Variants in GPC5 observed in about 807,000 individuals in gnomAD.
GPC5 encodes the protein glypican 5, also known as glypican-5.
A neutral mutation model predicts 53.9 loss-of-function variants in GPC5; 47 were observed. The observed-to-expected ratio is 0.87, with a 90% confidence interval of 0.69 to 1.11. GPC5 has a LOEUF of 1.11. Among genes scored for constraint, GPC5 ranks in the 50% most tolerant of loss-of-function variants. The pLI is 0.00. For missense variants in GPC5, 748 were observed against 713.1 expected (o/e 1.05, Z -0.56); for synonymous variants, 286 against 263.3 (o/e 1.09, Z -0.84).
intron 7 of GPC5, among the ~76,000 whole-genome samples, chr13:92,474,431 C>G (rs868433461): frequency 1.3e-5 from 2 of 151,856 alleles, no homozygotes; most frequent in African/African-American, 4.8e-5. Context: ...AGATACTGAT[C>G]GGGAGGAGTC....
At chr13:92,754,479 A>G (rs1382159478) in intron 7 of GPC5, among the ~76,000 whole-genome samples, 1 of 152,006 alleles carries the variant, frequency 6.6e-6, no homozygotes, top group Non-Finnish European at 1.5e-5. Context: ...ACACATAACA[A>G]TATTAACTTT....
At chr13:92,752,640 C>T (rs893801965) in intron 7 of GPC5, among the ~76,000 whole-genome samples, 6 of 152,074 alleles carry the variant, frequency 3.9e-5, no homozygotes, top group Admixed American at 6.5e-5. Context: ...GCGCACCGTG[C>T]GCGAGCTGAA....
At chr13:91,835,822 G>A (rs2038718007) in intron 5 of GPC5, among the ~76,000 whole-genome samples, 1 of 151,972 alleles carries the variant, frequency 6.6e-6, no homozygotes. Context: ...GTCATGGCAC[G>A]TGTATACCTA....
At chr13:92,769,605 A>G (rs1875535934) in intron 7 of GPC5, among the ~76,000 whole-genome samples, 2 of 152,164 alleles carry the variant, frequency 1.3e-5, no homozygotes, top group Admixed American at 6.5e-5. Context: ...AAAGAAAATT[A>G]AAGCAGTGTG....
chr13:92,265,778 T>C (rs1265862886), intron 7 of GPC5, among the ~76,000 whole-genome samples: 2 of 152,166 alleles, frequency 1.3e-5, no homozygotes, highest in African/African-American at 4.8e-5. Context: ...CAATTTGTCT[T>C]AGTCCATTTT....
Position 92,251,691 on chromosome 13 carries a change from G to A in GPC5, c.1561+106702G>A, listed in dbSNP as rs139088536. Among the ~76,000 whole-genome samples the A allele has an allele frequency of 4.4e-4, 67 of 152,242 alleles. No homozygotes were observed. The East Asian group carries it at 8.9e-3, about 20-fold the overall frequency. ...CACATACAAGACCCTGAATGACAAT[G>A]TCTTTTTCCTTTTAAACTGTGTGTT... is the stretch of plus-strand genomic sequence containing the variant. On this transcript the variant is annotated intron_variant, in intron 7 of 7. Transcript: ENST00000377067.
chr13:92,054,944 A>G (rs1330216947), intron 6 of GPC5, among the ~76,000 whole-genome samples: 2 of 152,198 alleles, frequency 1.3e-5, no homozygotes, highest in Non-Finnish European at 2.9e-5. Context: ...ATATGTACAT[A>G]AAGTTAATTT....
chr13:92,482,542 A>G, intron 7 of GPC5, among the ~76,000 whole-genome samples: 1 of 152,146 alleles, frequency 6.6e-6, no homozygotes, highest in East Asian at 1.9e-4. Context: ...CTTTAACACC[A>G]TTCTTCTTTC....
At chr13:92,528,479 A>G (rs1011646020) in intron 7 of GPC5, among the ~76,000 whole-genome samples, 3 of 151,976 alleles carry the variant, frequency 2.0e-5, no homozygotes, top group Admixed American at 6.6e-5. Flanking sequence ...TTATTATGGG[A>G]TACAATTTAT....
At chr13:92,352,963 A>G (rs1460257261) in intron 7 of GPC5, among the ~76,000 whole-genome samples, 1 of 152,172 alleles carries the variant, frequency 6.6e-6, no homozygotes, top group Non-Finnish European at 1.5e-5. Context: ...TCTAGAAACA[A>G]TTGAAATGTG....
At chr13:92,077,703 T>C (rs2041263333) in intron 6 of GPC5, among the ~76,000 whole-genome samples, 1 of 152,148 alleles carries the variant, frequency 6.6e-6, no homozygotes, top group Admixed American at 6.5e-5. Flanking sequence ...ATGATCTGGC[T>C]GAGTGCAGAA....
At chr13:92,650,300 T>C (rs1018858346) in intron 7 of GPC5, among the ~76,000 whole-genome samples, 3 of 152,146 alleles carry the variant, frequency 2.0e-5, no homozygotes, top group African/African-American at 4.8e-5. Context: ...ATTTTCCATT[T>C]GATATCTTAC....
intron 5 of GPC5, among the ~76,000 whole-genome samples, chr13:91,785,459 G>A (rs578189657): frequency 1.3e-5 from 2 of 152,182 alleles, no homozygotes; most frequent in East Asian, 1.9e-4. Flanking sequence ...GCAATCTTGG[G>A]GATATCATTC....
At position 92,656,066 on chromosome 13, in the gene GPC5, G is replaced by GA. The variant is rs895210251; in HGVS notation, c.1562-210207dup. On this transcript the variant is annotated intron_variant, in intron 7 of 7. Coordinates refer to ENST00000377067, the MANE Select transcript of GPC5 (RefSeq NM_004466.6). ...ATGAAAAGGGAAACATGAGGCTACA[G>GA]AAAAAAAAAGAGTTATATCATGTTC... 1.2e-3 allele frequency among the ~76,000 whole-genome samples: 175 copies of GA among 150,222 alleles called. 1 individual carries two copies. Among genetic ancestry groups the GA allele is most frequent in the African/African-American group, 3.8e-3 (157 of 41,070 alleles).
chr13:92,525,844 C>T lies in GPC5; in HGVS notation c.1562-340438C>T, dbSNP rs570123246. On this transcript the variant is annotated intron_variant, in intron 7 of 7. Coordinates refer to ENST00000377067, the MANE Select transcript of GPC5 (RefSeq NM_004466.6). ...CCAATATTCACAGCTATATACTCCTCTGTATCTAATCAAAAGAATTTCCCT... is the reference window on the plus strand; with the variant it reads ...CCAATATTCACAGCTATATACTCCTTTGTATCTAATCAAAAGAATTTCCCT... Among the ~76,000 whole-genome samples the T allele has an allele frequency of 3.9e-5, 6 of 152,190 alleles. No homozygotes were observed. The East Asian group carries it at 1.2e-3, about 29-fold the overall frequency.
At chr13:92,521,048 A>G (rs970550328) in intron 7 of GPC5, among the ~76,000 whole-genome samples, 1 of 152,206 alleles carries the variant, frequency 6.6e-6, no homozygotes. Flanking sequence ...AGAATAAAAT[A>G]CTTAGGAATC....
At chr13:92,517,301 A>T (rs945259721) in intron 7 of GPC5, among the ~76,000 whole-genome samples, 9 of 152,182 alleles carry the variant, frequency 5.9e-5, no homozygotes, top group Admixed American at 2.6e-4. Flanking sequence ...ATCTCTGCAG[A>T]CTTAAATGTC....
chr13:91,980,190 T>C (rs2040344727), intron 6 of GPC5, among the ~76,000 whole-genome samples: 1 of 152,198 alleles, frequency 6.6e-6, no homozygotes. Context: ...AAAGTGTGCA[T>C]TTAAAAGTAT....
At chr13:92,173,179 A>T (rs984754066) in intron 7 of GPC5, among the ~76,000 whole-genome samples, 25 of 151,970 alleles carry the variant, frequency 1.6e-4, no homozygotes, top group Non-Finnish European at 3.7e-4. Context: ...CATTTGACTC[A>T]GTCATTAATG....
Sources: gnomAD v4.1 joint callset for allele counts (sites outside exome capture counted in the v4.1 genomes callset) on GRCh38, gnomAD v4.1.1 for gene constraint, MANE v1.5 for transcripts, NCBI Gene and HGNC (gene_info 2026-07-23, HGNC 2026-07-21) for gene names.